Variants in MCM3AP observed in about 807,000 individuals in gnomAD.
MCM3AP encodes the protein germinal-center associated nuclear protein.
Under a neutral mutation model 184.1 loss-of-function variants are expected in MCM3AP, and 126 were observed. That is an observed-to-expected ratio of 0.68 (90% CI 0.59 to 0.79). The LOEUF is 0.79. MCM3AP is among the 30% of genes least tolerant of loss of function. The pLI, the probability that MCM3AP is intolerant of heterozygous loss-of-function variation, is 0.00. For synonymous variants in MCM3AP, 1,002 were observed against 979.3 expected (o/e 1.02, Z -0.43); for missense variants, 2,496 against 2,479.2 (o/e 1.01, Z -0.14).
intron 12 of MCM3AP, 135 bp downstream of exon 12, chr21:46,265,186 G>T: frequency 2.8e-6 from 2 of 717,000 alleles, no homozygotes; most frequent in Non-Finnish European, 4.6e-6. Flanking sequence ...GAGGCTGAGT[G>T]ACTCTAGGCA....
intron 11 of MCM3AP, 65 bp from the exon 12 acceptor site, chr21:46,265,588 G>A (rs915032591): frequency 1.1e-5 from 15 of 1,366,864 alleles, no homozygotes; most frequent in African/African-American, 4.4e-5. Context: ...CACGGGGACC[G>A]AGGTCTGTGC....
At position 46,254,787 on chromosome 21, in the gene MCM3AP, C is replaced by T. The variant is rs1181543881; in HGVS notation, c.3990G>A (p.Gln1330=). 3 of 1,613,902 alleles carry T rather than the reference C, an allele frequency of 1.9e-6. No individual in the cohort carries two copies. The highest frequency in any genetic ancestry group is 1.7e-6 in the Non-Finnish European group (2 of 1,179,840). The change falls in exon 18 of 28, where the codon CAG becomes CAA. Residue 1330 remains glutamine (Q), a synonymous_variant. Transcript: ENST00000291688. ...AHQMKVQHFY[Q]QLLSDVAWAS... is the part of the protein sequence containing the mutation. ...GCAGCATGACAGACCTCAGCAGCTG[C>T]TGGTAGAAGTGCTGAACCTTCATCT...
intron 13 of MCM3AP, among the ~76,000 whole-genome samples, chr21:46,262,830 G>A (rs1281582867): frequency 6.6e-6 from 1 of 150,976 alleles, no homozygotes; most frequent in Non-Finnish European, 1.5e-5. Context: ...AGCCGGGCGA[G>A]GTAGCGGGCA....
At chr21:46,274,126 G>A (rs17182718) in intron 6 of MCM3AP, among the ~76,000 whole-genome samples, 1,632 of 152,356 alleles carry the variant, frequency 0.011, 34 homozygotes, top group African/African-American at 0.038. Context: ...CCTGGGGCAG[G>A]GGCCCTACAG....
intron 15 of MCM3AP, among the ~76,000 whole-genome samples, chr21:46,260,093 A>G (rs1164548863): frequency 6.6e-6 from 1 of 152,066 alleles, no homozygotes; most frequent in Non-Finnish European, 1.5e-5. Context: ...AAAAAGTGCA[A>G]GAGTCTGCAT....
chr21:46,260,991 AG>A (rs2081033963), intron 14 of MCM3AP, 85 bp from the exon 15 acceptor site: 1 of 1,113,302 alleles, frequency 9.0e-7, no homozygotes, highest in African/African-American at 1.5e-5. Context: ...CCACGCAGAC[AG>A]GGATTGAGGT....
rs532402026 is a variant in MCM3AP at position 46,239,732 on chromosome 21, C to G, written c.5633+1079G>C. On this transcript the variant is annotated intron_variant, in intron 26 of 27. Transcript: ENST00000291688. ...CAGAATAGTGATGTTACTTAAAAAT[C>G]CATGAAACTGGATGAAATTTCTGAG... Among the ~76,000 whole-genome samples, 65 of 152,190 alleles carry G rather than the reference C, an allele frequency of 4.3e-4. No homozygotes were observed. The South Asian group carries it at 0.012, about 27-fold the overall frequency.
chr21:46,284,682 G>A lies in MCM3AP; in HGVS notation c.605C>T (p.Ala202Val), dbSNP rs769652381. 2 of 1,614,006 alleles carry A rather than the reference G, an allele frequency of 1.2e-6. No homozygotes were observed. The highest frequency in any genetic ancestry group is 1.1e-5 in the South Asian group (1 of 91,080). The change falls in exon 1 of 28, where the codon GCT (alanine) becomes GTT (valine). Residue 202 changes from alanine to valine, a missense_variant. This residue lies in a region of MCM3AP where 800 missense variants were observed against 717.1 expected (regional missense o/e 1.12). Transcript: ENST00000291688. ...TGAAAAGGTAAAATTTGAAGTGGTA[G>A]CTGAACTACTTGTTACTTGAGGAAA... ...FSFPQVTSSS[A>V]TTSNFTFSKP...
chr21:46,267,200 A>G, intron 9 of MCM3AP, 58 bp from the exon 10 acceptor site: 1 of 1,541,708 alleles, frequency 6.5e-7, no homozygotes, highest in Non-Finnish European at 8.8e-7. Context: ...AGACACATGC[A>G]GTCAGCCCAT....
rs769890072 is a variant in MCM3AP, at chr21:46,265,925, CCACT to C, written c.3027_3030del (p.Val1010AlafsTer10). On this transcript the variant is annotated frameshift_variant and splice_region_variant, in exon 11 of 28. Coordinates refer to ENST00000291688, the MANE Select transcript of MCM3AP (RefSeq NM_003906.5). LOFTEE classifies it high-confidence loss of function. The stretch of plus-strand genomic sequence containing the variant: ...TCACTACGACTGCAGCTTCACTCAC[CCACT>C]GTGTCGGAGCCGGGTCTCTGGGTGC... 1.3e-6 allele frequency: 2 copies of C among 1,564,002 alleles called. No homozygotes were observed. Among genetic ancestry groups the C allele is most frequent in the Non-Finnish European group, 1.7e-6 (2 of 1,150,166 alleles).
chr21:46,276,716 C>T (rs1419092765), intron 5 of MCM3AP, among the ~76,000 whole-genome samples: 1 of 150,610 alleles, frequency 6.6e-6, no homozygotes, highest in African/African-American at 2.4e-5. Context: ...GCTGGGATTA[C>T]AGGCGTGAGC....
chr21:46,270,758 C>T (rs547738216), intron 8 of MCM3AP, among the ~76,000 whole-genome samples, 195 bp from the exon 9 acceptor site: 5 of 152,174 alleles, frequency 3.3e-5, no homozygotes, highest in East Asian at 3.9e-4. Flanking sequence ...GAGCTGTGAT[C>T]GCATCACTGT....
intron 2 of MCM3AP, among the ~76,000 whole-genome samples, chr21:46,282,662 G>A (rs1345213119): frequency 1.1e-4 from 17 of 151,806 alleles, no homozygotes; most frequent in Admixed American, 4.6e-4. Context: ...AAAATTAGCC[G>A]GGTGTGGTGG....
chr21:46,242,843 G>C lies in MCM3AP; in HGVS notation c.5385C>G (p.Ala1795=). 1.2e-6 allele frequency: 2 copies of C among 1,613,110 alleles called. No homozygotes were observed. The highest frequency in any genetic ancestry group is 1.7e-6 in the Non-Finnish European group (2 of 1,179,490). ...GTAGCTCCTTCTGCGTCTGCAACCT[G>C]GCTTGTTCCCACGACAAAGGAACAT... ...KYDVPLSWEQ[A]RLQTQKELQL... is the part of the protein sequence containing the mutation. Residue 1795 remains alanine, a synonymous_variant, in exon 25 of 28, where the codon GCC becomes GCG. Coordinates refer to ENST00000291688, the MANE Select transcript of MCM3AP (RefSeq NM_003906.5).
intron 13 of MCM3AP, among the ~76,000 whole-genome samples, chr21:46,263,901 T>C (rs1425040188): frequency 6.9e-6 from 1 of 144,252 alleles, no homozygotes; most frequent in African/African-American, 2.6e-5. Flanking sequence ...GAAAAACTCA[T>C]CCTAAAATTC....
At chr21:46,277,180 G>C (rs2081266687) in intron 5 of MCM3AP, among the ~76,000 whole-genome samples, 1 of 152,170 alleles carries the variant, frequency 6.6e-6, no homozygotes, top group Admixed American at 6.6e-5. Context: ...CATTCACACA[G>C]TTCAACATTG....
intron 11 of MCM3AP, 119 bp downstream of exon 11, chr21:46,265,806 C>A: frequency 7.8e-7 from 1 of 1,279,526 alleles, no homozygotes; most frequent in Non-Finnish European, 1.1e-6. Context: ...CAAGACAAGA[C>A]AGGTGCTCAG....
chr21:46,265,139 G>A (rs932012980), intron 12 of MCM3AP, among the ~76,000 whole-genome samples, 182 bp downstream of exon 12: 8 of 152,324 alleles, frequency 5.3e-5, no homozygotes, highest in South Asian at 4.1e-4. Flanking sequence ...AGATGAAGAC[G>A]GACTCCAGAA....
In MCM3AP at chr21:46,284,733, G is replaced by C. The variant is rs777557331; in HGVS notation, c.554C>G (p.Ala185Gly). ...FFTFSHPISS[A>G]PGGLAPFSFP... ...AGAGAAAGGGGCCAGGCCTCCAGGT[G>C]CACTACTAATTGGGTGGGAAAATGT... The change falls in exon 1 of 28, where the codon GCA (alanine) becomes GGA (glycine). Residue 185 changes from alanine to glycine, a missense_variant. Physicochemically the swap from Ala to Gly is moderately conservative, Grantham distance 60 (BLOSUM62 0). Transcript: ENST00000291688. The C allele has an allele frequency of 1.9e-6, 3 of 1,614,048 alleles. No individual in the cohort carries two copies. The highest frequency in any genetic ancestry group is 2.5e-6 in the Non-Finnish European group (3 of 1,180,030).
Sources: gnomAD v4.1 joint callset for allele counts (sites outside exome capture counted in the v4.1 genomes callset) on GRCh38, gnomAD v4.1.1 for gene constraint, gnomAD v4.1.1 regional missense constraint, MANE v1.5 for transcripts, NCBI Gene and HGNC (gene_info 2026-07-23, HGNC 2026-07-21) for gene names.